The following CAP2 variants were observed in gnomAD, a reference collection of about 807,000 sequenced individuals.
CAP2 encodes cyclase associated actin cytoskeleton regulatory protein 2, also known as adenylyl cyclase-associated protein 2.
A neutral mutation model predicts 57.7 loss-of-function variants in CAP2; 24 were observed. The ratio of observed to expected loss-of-function variants is 0.42; its 90% CI spans 0.30 to 0.58. CAP2 has a LOEUF of 0.58. Among genes scored for constraint, CAP2 ranks in the 20% least tolerant of loss-of-function variants. CAP2 has a pLI of 0.22. For missense variants in CAP2, 501 were observed against 590.3 expected (o/e 0.85, Z 1.57); for synonymous variants, 194 against 207.2 (o/e 0.94, Z 0.55).
chr6:17,464,609 A>G (rs113028881), intron 4 of CAP2, among the ~76,000 whole-genome samples: 2 of 152,274 alleles, frequency 1.3e-5, no homozygotes, highest in African/African-American at 4.8e-5. Context: ...TGAGATTTCT[A>G]TGGGCTTCAC....
chr6:17,541,131 G>A lies in CAP2; in HGVS notation c.985G>A (p.Gly329Arg). ...ACATGCCCCAGTGTTGGAGTTGGAAGGAAAGAAATGGAGAGTGGTAAGTGA... is the reference window on the plus strand; with the variant it reads ...ACATGCCCCAGTGTTGGAGTTGGAAAGAAAGAAATGGAGAGTGGTAAGTGA... Reference protein sequence around the residue: ...QKHAPVLELEGKKWRVEYQED... With the variant: ...QKHAPVLELERKKWRVEYQED... Residue 329 changes from glycine (G) to arginine (R), a missense_variant, in exon 9 of 13, where the codon GGA becomes AGA. Coordinates refer to ENST00000229922, the MANE Select transcript of CAP2 (RefSeq NM_006366.3). 1 of 1,613,000 alleles carries A rather than the reference G, an allele frequency of 6.2e-7. No homozygotes were observed. The highest frequency in any genetic ancestry group is 1.1e-5 in the South Asian group (1 of 90,846).
At chr6:17,463,483 T>C (rs1760783703) in intron 4 of CAP2, among the ~76,000 whole-genome samples, 1 of 152,218 alleles carries the variant, frequency 6.6e-6, no homozygotes, top group Non-Finnish European at 1.5e-5. Flanking sequence ...AGCTCAGATT[T>C]TGAGCTGCTT....
chr6:17,463,041 C>T lies in CAP2; in HGVS notation c.268C>T (p.Leu90=). 3 of 1,614,042 alleles carry T rather than the reference C, an allele frequency of 1.9e-6. No individual in the cohort carries two copies. The highest frequency in any genetic ancestry group is 1.1e-5 in the South Asian group (1 of 91,064). ...SAFQAQRAFL[L]MASQYQQPHE... is the part of the protein sequence containing the mutation. ...TTTCCAGGCCCAGCGGGCTTTCCTT[C>T]TGATGGCCTCTCAGTACCAACAACC... Residue 90 remains leucine (L), a synonymous_variant, in exon 4 of 13, where the codon CTG becomes TTG. Transcript: ENST00000229922.
chr6:17,513,765 A>T lies in CAP2; in HGVS notation c.531-84A>T. 1 of 873,818 alleles carries T rather than the reference A, an allele frequency of 1.1e-6. No individual in the cohort carries two copies. Among genetic ancestry groups the T allele is most frequent in the African/African-American group, 1.7e-5 (1 of 59,920 alleles). The allele number at this position is 873,818 out of a possible 1,614,324, so 54.1% of individuals were successfully genotyped here. ...CCGGGCTCCAGGGCCCCTAGTCACT[A>T]GATAACCATGTGCCCCCACAATTTT... On this transcript the variant is annotated intron_variant, in intron 6 of 12. Transcript: ENST00000229922. The surrounding 1 kb of genome is among the most constrained non-coding windows in gnomAD (Gnocchi z 4.3).
At chr6:17,470,649 A>T (rs1029280289) in intron 4 of CAP2, among the ~76,000 whole-genome samples, 1 of 152,190 alleles carries the variant, frequency 6.6e-6, no homozygotes, top group Non-Finnish European at 1.5e-5. Flanking sequence ...GGCCTATGTC[A>T]CCTCACCTTC....
chr6:17,405,517 T>G (rs1283791067), intron 1 of CAP2, among the ~76,000 whole-genome samples: 1 of 151,786 alleles, frequency 6.6e-6, no homozygotes, highest in East Asian at 1.9e-4. Flanking sequence ...TCTCTCTCTC[T>G]CTCTCTCTCT....
intron 5 of CAP2, 45 bp from the exon 6 acceptor site, chr6:17,507,595 TA>T: frequency 4.4e-6 from 5 of 1,135,710 alleles, no homozygotes; most frequent in Non-Finnish European, 5.3e-6. Context: ...TTTCTTATCC[TA>T]TTTTTTTTTC....
At chr6:17,511,339 T>C (rs1234557890) in intron 6 of CAP2, among the ~76,000 whole-genome samples, 1 of 152,084 alleles carries the variant, frequency 6.6e-6, no homozygotes, top group East Asian at 1.9e-4. Flanking sequence ...GGACCGTAGG[T>C]AGAGGAGTAG....
intron 7 of CAP2, chr6:17,531,548 T>C: frequency 1.3e-6 from 2 of 1,542,858 alleles, no homozygotes; most frequent in Admixed American, 1.7e-5. Context: ...TCTCAGGTGC[T>C]TGATCTTCAG....
At chr6:17,458,088 C>T (rs1033290481) in intron 3 of CAP2, among the ~76,000 whole-genome samples, 4 of 152,058 alleles carry the variant, frequency 2.6e-5, no homozygotes, top group Non-Finnish European at 4.4e-5. Context: ...CATTAGAGAC[C>T]GACAAAAGTC....
At chr6:17,448,897 G>A (rs948118511) in intron 3 of CAP2, among the ~76,000 whole-genome samples, 1 of 152,052 alleles carries the variant, frequency 6.6e-6, no homozygotes, top group Non-Finnish European at 1.5e-5. Context: ...GAGGACCTGG[G>A]ATTACAGACA....
intron 4 of CAP2, among the ~76,000 whole-genome samples, chr6:17,503,598 C>G (rs9367951): frequency 0.5 from 69,024 of 137,316 alleles, 17,515 homozygotes; most frequent in Admixed American, 0.58. Flanking sequence ...GAGCAAAACT[C>G]TATCTCAAAA....
rs116103993 is a variant in CAP2 at position 17,482,242 on chromosome 6, G to A, written c.300+19169G>A. Among the ~76,000 whole-genome samples, 117 of 152,204 alleles carry A rather than the reference G, an allele frequency of 7.7e-4. 1 individual carries two copies. Among genetic ancestry groups the A allele is most frequent in the African/African-American group, 2.6e-3 (106 of 41,534 alleles). ...AGTTCTGGAGGTTAGAAGTCAAGGCGTAGGCTGGGCGCGGTGGCTCACGCC... is the reference window on the plus strand; with the variant it reads ...AGTTCTGGAGGTTAGAAGTCAAGGCATAGGCTGGGCGCGGTGGCTCACGCC... On this transcript the variant is annotated intron_variant, in intron 4 of 12. Coordinates refer to ENST00000229922, the MANE Select transcript of CAP2 (RefSeq NM_006366.3).
intron 12 of CAP2, among the ~76,000 whole-genome samples, chr6:17,553,813 C>T (rs959360162): frequency 6.6e-6 from 1 of 152,056 alleles, no homozygotes. Flanking sequence ...AGAGAAGACT[C>T]GTTAGCATAT....
At chr6:17,454,181 A>C (rs1760491092) in intron 3 of CAP2, among the ~76,000 whole-genome samples, 1 of 151,972 alleles carries the variant, frequency 6.6e-6, no homozygotes, top group African/African-American at 2.4e-5. Flanking sequence ...AAGTACTGGG[A>C]TTACGGGCAT....
At chr6:17,538,413 G>A (rs1359030984) in intron 7 of CAP2, among the ~76,000 whole-genome samples, 4 of 151,950 alleles carry the variant, frequency 2.6e-5, no homozygotes, top group African/African-American at 9.7e-5. Flanking sequence ...CTATGTTCAC[G>A]CCACTGCACA....
At chr6:17,416,535 G>A (rs772961427) in intron 1 of CAP2, among the ~76,000 whole-genome samples, 4 of 152,152 alleles carry the variant, frequency 2.6e-5, no homozygotes, top group African/African-American at 4.8e-5. Context: ...AAGGCAATAC[G>A]CATGCAGGTG....
At chr6:17,412,225 T>A (rs1195077174) in intron 1 of CAP2, among the ~76,000 whole-genome samples, 2 of 152,144 alleles carry the variant, frequency 1.3e-5, no homozygotes, top group African/African-American at 4.8e-5. Context: ...CATGGACAGC[T>A]GGCCAGCCCC....
intron 3 of CAP2, among the ~76,000 whole-genome samples, chr6:17,450,879 G>A (rs1760383450): frequency 6.6e-6 from 1 of 152,158 alleles, no homozygotes; most frequent in Non-Finnish European, 1.5e-5. Flanking sequence ...TTTGATTTGT[G>A]CTTTGGCTAA....
Sources: allele counts gnomAD v4.1 joint callset (sites outside exome capture counted in the v4.1 genomes callset), GRCh38; gene constraint gnomAD v4.1.1; non-coding constraint Gnocchi (gnomAD v3.1); transcripts MANE v1.5; gene names NCBI Gene and HGNC (gene_info 2026-07-23, HGNC 2026-07-21).